The following XYLB variants were observed in gnomAD, a reference collection of about 807,000 sequenced individuals.
The protein encoded by XYLB is xylulokinase.
XYLB carries 62 observed loss-of-function variants against 78.7 expected under a neutral mutation model. The observed-to-expected ratio is 0.79, with a 90% CI of 0.64 to 0.97. The LOEUF (loss-of-function observed/expected upper bound fraction) is 0.97, where lower values mean the gene tolerates loss of function less well. Ranked by LOEUF, XYLB falls within the 50% of genes least tolerant of loss-of-function variation. The pLI is 0.00. For synonymous variants in XYLB, 245 were observed against 247.4 expected (o/e 0.99, Z 0.09); for missense variants, 687 against 676.8 (o/e 1.02, Z -0.17).
At chr3:38,360,927 C>T (rs1362531742) in intron 3 of XYLB, among the ~76,000 whole-genome samples, 1 of 152,098 alleles carries the variant, frequency 6.6e-6, no homozygotes, top group Admixed American at 6.5e-5. Context: ...CCCAGCTACT[C>T]AGGAGGCTGA....
chr3:38,395,949 G>C (rs570764311), intron 16 of XYLB, among the ~76,000 whole-genome samples: 2 of 152,210 alleles, frequency 1.3e-5, no homozygotes, highest in East Asian at 3.8e-4. Flanking sequence ...ACAGTTGCCA[G>C]ACTGTTACTG....
chr3:38,438,736 G>T, the XYLB span, among the ~76,000 whole-genome samples: 2 of 152,198 alleles, frequency 1.3e-5, no homozygotes, highest in African/African-American at 4.8e-5. Context: ...AACCCGAGTG[G>T]GTTGCTGCTG....
intron 18 of XYLB, among the ~76,000 whole-genome samples, chr3:38,405,234 G>C (rs1333959391): frequency 6.6e-6 from 1 of 151,786 alleles, no homozygotes; most frequent in Non-Finnish European, 1.5e-5. Flanking sequence ...TTTAATGACT[G>C]TATAATATTC....
chr3:38,412,912 A>C (rs1559623588), intron 18 of XYLB, 24 bp from the exon 19 acceptor site: 1 of 1,598,504 alleles, frequency 6.3e-7, no homozygotes. Context: ...CCTCTGTTCT[A>C]AACTGCTTTT....
chr3:38,362,954 G>T lies in XYLB; in HGVS notation c.228G>T (p.Leu76Phe). The change falls in exon 4 of 19, where the codon TTG becomes TTT. Residue 76 changes from leucine to phenylalanine, a missense_variant. Leu to Phe is a conservative substitution (Grantham distance 22, BLOSUM62 0). Coordinates refer to ENST00000207870, the MANE Select transcript of XYLB (RefSeq NM_005108.4). ...CTTCTTAGGCACTGGATATCATCTTGGAGAAGATGAAGGCTTCGGGCTTCG... is the reference window on the plus strand; with the variant it reads ...CTTCTTAGGCACTGGATATCATCTTTGAGAAGATGAAGGCTTCGGGCTTCG... The part of the protein sequence containing the change: ...LMWVQALDII[L>F]EKMKASGFDF... 1 of 1,583,358 alleles carries T rather than the reference G, an allele frequency of 6.3e-7. No homozygotes were observed.
the XYLB span, among the ~76,000 whole-genome samples, chr3:38,431,312 A>G: frequency 5.9e-5 from 9 of 152,084 alleles, no homozygotes; most frequent in Non-Finnish European, 1.0e-4. Context: ...CTTTGTAGCA[A>G]TTGTGAATGG....
intron 3 of XYLB, among the ~76,000 whole-genome samples, chr3:38,362,679 G>A (rs538278436): frequency 1.3e-5 from 2 of 152,296 alleles, no homozygotes; most frequent in East Asian, 3.9e-4. Flanking sequence ...AAAAAATGGA[G>A]AAGTAAAATT....
chr3:38,407,117 T>G (rs1230601570), intron 18 of XYLB, among the ~76,000 whole-genome samples: 1 of 147,688 alleles, frequency 6.8e-6, no homozygotes, highest in Non-Finnish European at 1.5e-5. Flanking sequence ...GAAAAAATGT[T>G]AAGGGCAGCC....
At position 38,414,916 on chromosome 3, in the gene XYLB, CAT is replaced by C. The variant is rs1708737019; in HGVS notation, c.*1905_*1906del. The C allele has an allele frequency of 6.6e-6, 1 of 152,112 alleles. No homozygotes were observed. Among genetic ancestry groups the C allele is most frequent in the Admixed American group, 6.5e-5 (1 of 15,272 alleles). 9.4% of individuals were successfully genotyped at this position (152,112 alleles called of 1,614,324 possible). A position where few individuals can be genotyped will look rare whatever the true frequency, so the allele number is the denominator to read the frequency against. ...ATGAAGACAAAAGATAAGACAGTGGCATAGAGTTAATATTTAAAATTCAAATA... is the reference window on the plus strand; with the variant it reads ...ATGAAGACAAAAGATAAGACAGTGGCAGAGTTAATATTTAAAATTCAAATA... On this transcript the variant is annotated 3_prime_UTR_variant, in exon 19 of 19. Transcript: ENST00000207870.
At chr3:38,365,077 A>T (rs2125580913) in intron 4 of XYLB, 122 bp from the exon 5 acceptor site, 1 of 788,494 alleles carries the variant, frequency 1.3e-6, no homozygotes, top group African/African-American at 1.7e-5. Flanking sequence ...TGTGACTAAG[A>T]AGTGGCAGGG....
chr3:38,434,126 T>C, the XYLB span, among the ~76,000 whole-genome samples: 3 of 152,322 alleles, frequency 2.0e-5, no homozygotes, highest in South Asian at 6.2e-4. Flanking sequence ...CTCACTATCA[T>C]GAGAACAGCA....
the XYLB span, among the ~76,000 whole-genome samples, chr3:38,449,865 T>C: frequency 1.3e-5 from 2 of 152,218 alleles, no homozygotes; most frequent in African/African-American, 4.8e-5. Context: ...CATAATCTAA[T>C]CTCTCTTGAG....
intron 2 of XYLB, among the ~76,000 whole-genome samples, chr3:38,358,312 TGTGTGTGTG>T (rs1559575603): frequency 4.6e-5 from 1 of 21,858 alleles, no homozygotes; most frequent in African/African-American, 1.4e-4. Context: ...TTTTGTTTTG[TGTGTGTGTG>T]TGTGTGTGTG....
intron 17 of XYLB, among the ~76,000 whole-genome samples, chr3:38,398,641 TCTGCCTGCCTGCCTGC>T (rs544081780): frequency 4.1e-4 from 61 of 149,522 alleles, no homozygotes; most frequent in African/African-American, 1.1e-3. Context: ...TACCTATGAG[TCTGCCTGCCTGCCTGC>T]CTGCCTGCCT....
At chr3:38,348,465 G>A (rs1559566066) in intron 1 of XYLB, 85 bp from the exon 2 acceptor site, 2 of 1,289,644 alleles carry the variant, frequency 1.6e-6, no homozygotes, top group Non-Finnish European at 2.2e-6. Context: ...AGGGTGTGGG[G>A]CCTCATCTGG....
chr3:38,422,136 G>C (rs1020195724), downstream of XYLB, among the ~76,000 whole-genome samples: 1 of 152,206 alleles, frequency 6.6e-6, no homozygotes, highest in Non-Finnish European at 1.5e-5. Flanking sequence ...AAAGAATGTT[G>C]CTGTCTCCAG....
chr3:38,452,161 T>C, the XYLB span: 1 of 152,238 alleles, frequency 6.6e-6, no homozygotes, highest in Non-Finnish European at 1.5e-5. Context: ...GGGTGTCCCA[T>C]ACAACACTGC....
At chr3:38,389,537 C>T (rs555450304) in intron 15 of XYLB, among the ~76,000 whole-genome samples, 1 of 151,954 alleles carries the variant, frequency 6.6e-6, no homozygotes, top group South Asian at 2.1e-4. Context: ...AGAGGCACCC[C>T]CCACCTCCCT....
Position 38,353,885 on chromosome 3 carries a change from T to TAAA in XYLB, c.140+5268_140+5270dup, listed in dbSNP as rs71085315. Among the ~76,000 whole-genome samples, 332 of 121,998 alleles carry TAAA rather than the reference T, an allele frequency of 2.7e-3. 9 individuals carry two copies. Among genetic ancestry groups the TAAA allele is most frequent in the East Asian group, 0.014 (52 of 3,778 alleles). 80.0% of individuals were successfully genotyped at this position (121,998 alleles called of 152,430 possible). A position where few individuals can be genotyped will look rare whatever the true frequency, so the allele number is the denominator to read the frequency against. On this transcript the variant is annotated intron_variant, in intron 2 of 18. Transcript: ENST00000207870. ...CTGGGTGACAAAGTGAGACTCCATATAAAAAAAAAAAAAAAAAGAAGTCCA... is the reference window on the plus strand; with the variant it reads ...CTGGGTGACAAAGTGAGACTCCATATAAAAAAAAAAAAAAAAAAAAGAAGTCCA...
Sources: allele counts gnomAD v4.1 joint callset (sites outside exome capture counted in the v4.1 genomes callset), GRCh38; gene constraint gnomAD v4.1.1; transcripts MANE v1.5; gene names NCBI Gene and HGNC (gene_info 2026-07-23, HGNC 2026-07-21).